Variants in B3GALT1 observed in about 807,000 individuals in gnomAD.
B3GALT1 encodes the protein beta-1,3-galactosyltransferase 1, also known as UDP-Gal:betaGlcNAc beta 1,3-galactosyltransferase, polypeptide 1.
Under a neutral mutation model 23.2 loss-of-function variants are expected in B3GALT1, and 10 were observed. The observed-to-expected ratio is 0.43, with a 90% CI of 0.27 to 0.73. The LOEUF is 0.73. Ranked by LOEUF, B3GALT1 falls within the 30% of genes least tolerant of loss-of-function variation. The pLI is 0.21. For missense variants in B3GALT1, 299 were observed against 405.4 expected (o/e 0.74, Z 2.25); for synonymous variants, 156 against 141.5 (o/e 1.10, Z -0.73).
At chr2:167,604,703 G>C (rs1421417552) in intron 2 of B3GALT1, among the ~76,000 whole-genome samples, 1 of 152,136 alleles carries the variant, frequency 6.6e-6, no homozygotes, top group African/African-American at 2.4e-5. Flanking sequence ...GTGATCATAA[G>C]GAGAAGCTTA....
At position 167,870,097 on chromosome 2, in the gene B3GALT1, CG is replaced by C; in HGVS notation, c.*82del. ...TAAGGTGTTGGTATTTTCCAGGTGT[CG>C]GGGGAAATGAACTGGTGAAGGGGTT... is the stretch of plus-strand genomic sequence containing the variant. On this transcript the variant is annotated 3_prime_UTR_variant, in exon 5 of 5. Coordinates refer to ENST00000392690, the MANE Select transcript of B3GALT1 (RefSeq NM_020981.4). The C allele has an allele frequency of 7.0e-7, 1 of 1,420,822 alleles. No individual in the cohort carries two copies. Among genetic ancestry groups the C allele is most frequent in the East Asian group, 2.3e-5 (1 of 42,694 alleles). 88.0% of individuals were successfully genotyped at this position (1,420,822 alleles called of 1,614,324 possible).
At chr2:167,568,087 A>T in intron 2 of B3GALT1, among the ~76,000 whole-genome samples, 1 of 152,174 alleles carries the variant, frequency 6.6e-6, no homozygotes, top group East Asian at 1.9e-4. Context: ...AGCACTGAAT[A>T]ATAGTCCATT....
intron 3 of B3GALT1, among the ~76,000 whole-genome samples, chr2:167,758,944 C>T (rs1255178778): frequency 6.6e-6 from 1 of 152,116 alleles, no homozygotes; most frequent in Admixed American, 6.6e-5. Context: ...ATGGTAGGTC[C>T]TCAGCCTCGC....
chr2:167,829,814 G>C (rs1456887950), intron 4 of B3GALT1, among the ~76,000 whole-genome samples: 2 of 152,126 alleles, frequency 1.3e-5, no homozygotes, highest in Non-Finnish European at 2.9e-5. Flanking sequence ...GAATGGGGTG[G>C]GAAGTTATGT....
At position 167,363,997 on chromosome 2, in the gene B3GALT1, A is replaced by G. The variant is rs918682567; in HGVS notation, c.-511+70663A>G. ...AACATGGTGAAACCCCGTCTCTACTAAAAACAGACAAAAAAAATTAGCCAG... is the reference window on the plus strand; with the variant it reads ...AACATGGTGAAACCCCGTCTCTACTGAAAACAGACAAAAAAAATTAGCCAG... On this transcript the variant is annotated intron_variant, in intron 1 of 4. Transcript: ENST00000392690. Among the ~76,000 whole-genome samples the G allele has an allele frequency of 2.0e-5, 3 of 151,846 alleles. No individual in the cohort carries two copies. The South Asian group carries it at 6.2e-4, about 32-fold the overall frequency.
chr2:167,355,324 G>A (rs1697382817), intron 1 of B3GALT1, among the ~76,000 whole-genome samples: 1 of 152,196 alleles, frequency 6.6e-6, no homozygotes, highest in Non-Finnish European at 1.5e-5. Flanking sequence ...GTTCATTACT[G>A]CAGAAACAGA....
chr2:167,854,997 G>T (rs1214031938), intron 4 of B3GALT1, among the ~76,000 whole-genome samples: 3 of 152,130 alleles, frequency 2.0e-5, no homozygotes, highest in Non-Finnish European at 4.4e-5. Flanking sequence ...TGCATGAACT[G>T]CAAGTGTCAT....
At chr2:167,695,532 A>G (rs912017383) in intron 3 of B3GALT1, among the ~76,000 whole-genome samples, 2 of 152,176 alleles carry the variant, frequency 1.3e-5, no homozygotes, top group African/African-American at 4.8e-5. Context: ...AAATCGCTTC[A>G]TAACCTGACT....
intron 3 of B3GALT1, among the ~76,000 whole-genome samples, chr2:167,705,329 CT>C (rs1333005290): frequency 4.6e-5 from 7 of 152,178 alleles, no homozygotes; most frequent in Non-Finnish European, 1.0e-4. Context: ...GCTTTAATCC[CT>C]GAAGAACTCT....
chr2:167,693,066 T>C (rs1029298295), intron 3 of B3GALT1, among the ~76,000 whole-genome samples: 2 of 151,978 alleles, frequency 1.3e-5, no homozygotes, highest in Non-Finnish European at 2.9e-5. Flanking sequence ...GAACTCGTGA[T>C]TGAATCTTCT....
At chr2:167,362,059 C>A (rs1697508717) in intron 1 of B3GALT1, among the ~76,000 whole-genome samples, 1 of 151,940 alleles carries the variant, frequency 6.6e-6, no homozygotes, top group African/African-American at 2.4e-5. Context: ...GGGTGACAGA[C>A]CGAGACTCCA....
chr2:167,456,178 C>A (rs1699171161), intron 1 of B3GALT1, among the ~76,000 whole-genome samples: 1 of 152,116 alleles, frequency 6.6e-6, no homozygotes, highest in Non-Finnish European at 1.5e-5. Flanking sequence ...AGAAAGCTTC[C>A]AATCATGGTG....
intron 2 of B3GALT1, among the ~76,000 whole-genome samples, chr2:167,614,621 T>C (rs553999832): frequency 1.3e-3 from 192 of 152,140 alleles, no homozygotes; most frequent in Non-Finnish European, 2.2e-3. Context: ...CATTAAAATG[T>C]ATTCTAGAGT....
chr2:167,763,640 G>T (rs958540849), intron 3 of B3GALT1, among the ~76,000 whole-genome samples: 3 of 134,482 alleles, frequency 2.2e-5, no homozygotes, highest in Non-Finnish European at 4.6e-5. Context: ...GCAGCGACCC[G>T]AGATTGCTCT....
chr2:167,421,695 A>G (rs1393115011), intron 1 of B3GALT1, among the ~76,000 whole-genome samples: 2 of 152,236 alleles, frequency 1.3e-5, no homozygotes, highest in Non-Finnish European at 2.9e-5. Context: ...TGCACCCACC[A>G]GAAAGGGAGG....
chr2:167,378,695 T>C (rs1014168398), intron 1 of B3GALT1, among the ~76,000 whole-genome samples: 3 of 152,148 alleles, frequency 2.0e-5, no homozygotes, highest in Non-Finnish European at 2.9e-5. Context: ...CTTTTAAAGA[T>C]ATCTATTTCT....
chr2:167,429,597 A>G (rs879922907), intron 1 of B3GALT1, among the ~76,000 whole-genome samples: 3 of 152,184 alleles, frequency 2.0e-5, no homozygotes, highest in Non-Finnish European at 4.4e-5. Context: ...AAAAATAAGC[A>G]CAATGGCCAT....
At chr2:167,829,849 GA>G (rs1173726324) in intron 4 of B3GALT1, among the ~76,000 whole-genome samples, 43 of 152,270 alleles carry the variant, frequency 2.8e-4, no homozygotes, top group Middle Eastern at 3.4e-3. Context: ...ATAGCAGGGC[GA>G]GTGCTCCAAG....
intron 1 of B3GALT1, among the ~76,000 whole-genome samples, chr2:167,418,196 G>A: frequency 6.6e-6 from 1 of 152,188 alleles, no homozygotes; most frequent in East Asian, 1.9e-4. Flanking sequence ...CAAAGTTACA[G>A]ATCCCAGTCC....
Sources: gnomAD v4.1 joint callset for allele counts (sites outside exome capture counted in the v4.1 genomes callset) on GRCh38, gnomAD v4.1.1 for gene constraint, MANE v1.5 for transcripts, NCBI Gene and HGNC (gene_info 2026-07-23, HGNC 2026-07-21) for gene names.